Variants in COL5A2 observed in about 807,000 individuals in gnomAD.
The protein encoded by COL5A2 is collagen type V alpha 2 chain.
A neutral mutation model predicts 208.2 loss-of-function variants in COL5A2; 23 were observed. That is an observed-to-expected ratio of 0.11 (90% CI 0.08 to 0.16). COL5A2 has a LOEUF of 0.16. Ranked by LOEUF, COL5A2 falls within the 10% of genes least tolerant of loss-of-function variation. The pLI, the probability that COL5A2 is intolerant of heterozygous loss-of-function variation, is 1.00. For synonymous variants in COL5A2, 625 were observed against 628.5 expected (o/e 0.99, Z 0.08); for missense variants, 1,590 against 1,956.4 (o/e 0.81, Z 3.53).
At chr2:189,396,794 A>G in the COL5A2 span, among the ~76,000 whole-genome samples, 2 of 151,798 alleles carry the variant, frequency 1.3e-5, no homozygotes, top group Non-Finnish European at 2.9e-5. Flanking sequence ...GGAGTTTGAG[A>G]CCAATCTGAC....
At chr2:189,435,640 C>T in the COL5A2 span, among the ~76,000 whole-genome samples, 3 of 152,180 alleles carry the variant, frequency 2.0e-5, no homozygotes, top group African/African-American at 4.8e-5. Flanking sequence ...CCATCTCACA[C>T]CAGTTAGAAT....
intron 1 of COL5A2, among the ~76,000 whole-genome samples, chr2:189,165,232 G>C (rs1008785493): frequency 1.3e-5 from 2 of 152,082 alleles, no homozygotes; most frequent in African/African-American, 4.8e-5. Flanking sequence ...TTGCTGGTTT[G>C]CTTTTCCTGA....
chr2:189,375,471 A>G, the COL5A2 span, among the ~76,000 whole-genome samples: 1 of 152,306 alleles, frequency 6.6e-6, no homozygotes, highest in South Asian at 2.1e-4. Context: ...CATCTTCACA[A>G]TGGGGACAAT....
the COL5A2 span, among the ~76,000 whole-genome samples, chr2:189,437,061 C>G: frequency 2.0e-5 from 3 of 152,116 alleles, no homozygotes; most frequent in African/African-American, 7.2e-5. Flanking sequence ...ACGAGATAGT[C>G]TTTGAAGCAG....
the COL5A2 span, among the ~76,000 whole-genome samples, chr2:189,279,333 T>C: frequency 1.3e-5 from 2 of 151,842 alleles, no homozygotes; most frequent in Non-Finnish European, 2.9e-5. Flanking sequence ...GACTTCTAGA[T>C]GATAGCAAAG....
chr2:189,131,044 A>G (rs1687704470), intron 1 of COL5A2, among the ~76,000 whole-genome samples: 1 of 152,128 alleles, frequency 6.6e-6, no homozygotes, highest in Admixed American at 6.5e-5. Context: ...TCAGCAAGGT[A>G]AAGACAAAGA....
intron 21 of COL5A2, among the ~76,000 whole-genome samples, chr2:189,067,256 A>G (rs1028692710): frequency 1.3e-5 from 2 of 152,162 alleles, no homozygotes; most frequent in African/African-American, 4.8e-5. Context: ...GGAATGTTAG[A>G]GGGTTTTCTG....
chr2:189,261,570 C>A, the COL5A2 span, among the ~76,000 whole-genome samples: 1 of 152,184 alleles, frequency 6.6e-6, no homozygotes, highest in African/African-American at 2.4e-5. Flanking sequence ...AATCAGATGT[C>A]TGTTAGCTCG....
At chr2:189,128,929 T>G (rs1490407974) in intron 1 of COL5A2, among the ~76,000 whole-genome samples, 1 of 151,972 alleles carries the variant, frequency 6.6e-6, no homozygotes, top group Non-Finnish European at 1.5e-5. Flanking sequence ...AATAATCATC[T>G]GTTGTAAGGC....
At chr2:189,062,468 G>T (rs761151247) in intron 29 of COL5A2, among the ~76,000 whole-genome samples, 3 of 152,054 alleles carry the variant, frequency 2.0e-5, no homozygotes, top group African/African-American at 7.2e-5. Flanking sequence ...ACAGGCGTGA[G>T]CCACCATGCC....
chr2:189,034,073 C>T lies in COL5A2; in HGVS notation c.4497G>A (p.Val1499=), dbSNP rs1249280287. Residue 1499 remains valine (V), a synonymous_variant, in exon 54 of 54, where the codon GTG becomes GTA. Transcript: ENST00000374866. ...TGTCGATGTGTCTTGGCTTACTTTA[C>T]ACAAAACAAACTGGCCCAATTTCAA... ...FGVEIGPVCF[V] 3.7e-6 allele frequency: 6 copies of T among 1,613,928 alleles called. No homozygotes were observed. Among genetic ancestry groups the T allele is most frequent in the South Asian group, 2.2e-5 (2 of 91,088 alleles).
the COL5A2 span, among the ~76,000 whole-genome samples, chr2:189,410,722 A>C: frequency 1.8e-4 from 28 of 152,256 alleles, no homozygotes; most frequent in African/African-American, 6.7e-4. Context: ...AGGCTTGTTT[A>C]TGTTTACATA....
At chr2:189,262,504 C>T in the COL5A2 span, among the ~76,000 whole-genome samples, 2 of 152,012 alleles carry the variant, frequency 1.3e-5, no homozygotes, top group East Asian at 1.9e-4. Flanking sequence ...AAACTGATCA[C>T]GAAGAGAAAC....
the COL5A2 span, among the ~76,000 whole-genome samples, chr2:189,419,132 G>A: frequency 6.6e-6 from 1 of 152,084 alleles, no homozygotes; most frequent in Non-Finnish European, 1.5e-5. Flanking sequence ...TTCTGGGTAG[G>A]ACTGAGTCCA....
the COL5A2 span, among the ~76,000 whole-genome samples, chr2:189,437,219 A>C: frequency 6.6e-6 from 1 of 152,212 alleles, no homozygotes; most frequent in Non-Finnish European, 1.5e-5. Context: ...TGAAGCATCA[A>C]GCACGTGGCT....
chr2:189,374,916 A>G, the COL5A2 span, among the ~76,000 whole-genome samples: 4 of 152,208 alleles, frequency 2.6e-5, no homozygotes, highest in Non-Finnish European at 5.9e-5. Context: ...ATCTTCAACA[A>G]AGTTAACAGG....
intron 15 of COL5A2, 30 bp from the exon 16 acceptor site, chr2:189,078,599 G>T: frequency 6.4e-7 from 1 of 1,573,190 alleles, no homozygotes; most frequent in Non-Finnish European, 8.8e-7. Context: ...AATGTCTCTT[G>T]AAGCACCTAA....
At chr2:189,081,149 C>T in intron 12 of COL5A2, 106 bp from the exon 13 acceptor site, 2 of 858,786 alleles carry the variant, frequency 2.3e-6, no homozygotes, top group Non-Finnish European at 4.0e-6. Flanking sequence ...AGTTTTCCAG[C>T]AACATATTAA....
intron 1 of COL5A2, among the ~76,000 whole-genome samples, chr2:189,153,109 C>G (rs1241825146): frequency 1.3e-5 from 2 of 152,084 alleles, no homozygotes; most frequent in African/African-American, 2.4e-5. Flanking sequence ...GATTCTAAAC[C>G]AAGAGCCCAC....
Sources: allele counts gnomAD v4.1 joint callset (sites outside exome capture counted in the v4.1 genomes callset), GRCh38; gene constraint gnomAD v4.1.1; transcripts MANE v1.5; gene names NCBI Gene and HGNC (gene_info 2026-07-23, HGNC 2026-07-21).